NKX1-2: variants seen among roughly 807,000 people sequenced by gnomAD.
The protein encoded by NKX1-2 is NK1 homeobox 2.
NKX1-2 carries 1 observed loss-of-function variant against 4.4 expected under a neutral mutation model. That is an observed-to-expected ratio of 0.23 (90% CI 0.08 to 1.08). The LOEUF (loss-of-function observed/expected upper bound fraction) is 1.08. NKX1-2 is among the 50% of genes least tolerant of loss of function. The probability of loss-of-function intolerance (pLI) is 0.55; values close to 1 mark genes in which losing one functional copy is unlikely to be tolerated. For missense variants in NKX1-2, 503 were observed against 464.6 expected (o/e 1.08, Z -0.76); for synonymous variants, 235 against 228.0 (o/e 1.03, Z -0.28).
rs1349267491 is a variant in NKX1-2 at position 124,447,411 on chromosome 10, G to A, written c.*18C>T. On this transcript the variant is annotated 3_prime_UTR_variant, in exon 2 of 2. Transcript: ENST00000451024. ...TCCCTCGTGAATCCCGCGAAAGAGG[G>A]GCCAGGGGGCTCCGGATTCATAGAC... The A allele has an allele frequency of 8.8e-6, 11 of 1,243,776 alleles. 1 individual carries two copies. The highest frequency in any genetic ancestry group is 4.1e-4 in the Middle Eastern group (2 of 4,826). 77.0% of individuals were successfully genotyped at this position (1,243,776 alleles called of 1,614,324 possible).
chr10:124,449,843 G>A lies in NKX1-2; in HGVS notation c.101C>T (p.Ala34Val), dbSNP rs1952279379. The A allele has an allele frequency of 1.9e-6, 3 of 1,551,684 alleles. No homozygotes were observed. The highest frequency in any genetic ancestry group is 1.4e-5 in the African/African-American group (1 of 73,186). ...AGCCGGGCGCACGGCAGGGAGCGCT[G>A]CGCGGGTGAATTTCTGTGGGTCCAG... Reference protein sequence around the residue: ...DILDPQKFTRAALPAVRPAPR... With the variant: ...DILDPQKFTRVALPAVRPAPR... Residue 34 changes from alanine (A) to valine (V), a missense_variant, in exon 1 of 2, where the codon GCA becomes GTA. Ala to Val is a moderately conservative substitution (Grantham distance 64). Coordinates refer to ENST00000451024, the MANE Select transcript of NKX1-2 (RefSeq NM_001146340.3). The surrounding 1 kb of genome is among the most constrained non-coding windows in gnomAD (Gnocchi z 7.5).
At position 124,449,499 on chromosome 10, in the gene NKX1-2, A is replaced by G; in HGVS notation, c.214+231T>C. The stretch of plus-strand genomic sequence containing the variant: ...GAGCATCAGAACTGTGGTGCGGGTG[A>G]GCTTGGCGGGTGAGCAGGGATGCGG... On this transcript the variant is annotated intron_variant, in intron 1 of 1. Coordinates refer to ENST00000451024, the MANE Select transcript of NKX1-2 (RefSeq NM_001146340.3). The surrounding 1 kb of genome is among the most constrained non-coding windows in gnomAD (Gnocchi z 7.5). 2.9e-6 allele frequency: 2 copies of G among 695,714 alleles called. No individual in the cohort carries two copies. The highest frequency in any genetic ancestry group is 5.2e-6 in the Non-Finnish European group (2 of 381,032). The allele number at this position is 695,714 out of a possible 1,614,324, so 43.1% of individuals were successfully genotyped here. A position where few individuals can be genotyped will look rare whatever the true frequency, so the allele number is the denominator to read the frequency against.
At position 124,447,502 on chromosome 10, in the gene NKX1-2, G is replaced by A. The variant is rs535091644; in HGVS notation, c.860C>T (p.Ala287Val). 1.6e-6 allele frequency: 2 copies of A among 1,272,064 alleles called. No homozygotes were observed. Among genetic ancestry groups the A allele is most frequent in the Non-Finnish European group, 2.0e-6 (2 of 1,004,980 alleles). The allele number at this position is 1,272,064 out of a possible 1,614,324, so 78.8% of individuals were successfully genotyped here. The change falls in exon 2 of 2, where the codon GCC becomes GTC. Residue 287 changes from alanine to valine, a missense_variant. By Grantham distance (64) the Ala-to-Val change is moderately conservative. Transcript: ENST00000451024. ...CGGCGCGAAAGGGCTCCCGGGGGCG[G>A]CAGCCGTCAGCGGGAAGGAGGCGGC... ...PSAASFPLTA[A>V]APGSPFAPFL...
chr10:124,447,689 C>CA lies in NKX1-2; in HGVS notation c.672dup (p.Ala225CysfsTer170). ...CCCCCCACCTGCGCCGCGCCGTCGG[C>CA]ACCCGGGTTCTGCTTCTTCCACTTG... On this transcript the variant is annotated frameshift_variant, in exon 2 of 2. Transcript: ENST00000451024. LOFTEE classifies it low-confidence loss of function (END_TRUNC). The CA allele has an allele frequency of 7.0e-7, 1 of 1,423,688 alleles. No individual in the cohort carries two copies. The highest frequency in any genetic ancestry group is 1.5e-5 in the African/African-American group (1 of 67,438). 88.2% of individuals were successfully genotyped at this position (1,423,688 alleles called of 1,614,324 possible).
Position 124,447,771 on chromosome 10 carries a change from C to A in NKX1-2, c.591G>T (p.Ala197=). 1 of 1,481,164 alleles carries A rather than the reference C, an allele frequency of 6.8e-7. No individual in the cohort carries two copies. Among genetic ancestry groups the A allele is most frequent in the Non-Finnish European group, 9.0e-7 (1 of 1,109,584 alleles). The allele number at this position is 1,481,164 out of a possible 1,614,324, so 91.8% of individuals were successfully genotyped here. The change falls in exon 2 of 2, where the codon GCG becomes GCT. Residue 197 remains alanine, a synonymous_variant. Transcript: ENST00000451024. ...YLSVCERLNL[A]LSLSLTETQV... ...GCGTCTCGGTGAGGCTGAGAGACAG[C>A]GCGAGGTTCAGGCGCTCGCACACTG...
Position 124,447,716 on chromosome 10 carries a change from TC to T in NKX1-2, c.645del (p.Thr216ProfsTer69), listed in dbSNP as rs1952255827. 6.8e-7 allele frequency: 1 copy of T among 1,465,772 alleles called. No individual in the cohort carries two copies. Among genetic ancestry groups the T allele is most frequent in the Non-Finnish European group, 9.1e-7 (1 of 1,100,982 alleles). 90.8% of individuals were successfully genotyped at this position (1,465,772 alleles called of 1,614,324 possible). ...TQVKIWFQNR[R>X]TKWKKQNPGA... ...CCCGGGTTCTGCTTCTTCCACTTGG[TC>T]CTGCGATTCTGGAACCAGATTTTGA... On this transcript the variant is annotated frameshift_variant, in exon 2 of 2. Coordinates refer to ENST00000451024, the MANE Select transcript of NKX1-2 (RefSeq NM_001146340.3). LOFTEE classifies it low-confidence loss of function (END_TRUNC).
chr10:124,449,965 G>C lies in NKX1-2; in HGVS notation c.-22C>G, dbSNP rs1238008489. 1 of 1,508,728 alleles carries C rather than the reference G, an allele frequency of 6.6e-7. No individual in the cohort carries two copies. Among genetic ancestry groups the C allele is most frequent in the Non-Finnish European group, 8.9e-7 (1 of 1,123,372 alleles). The allele number at this position is 1,508,728 out of a possible 1,614,324, so 93.5% of individuals were successfully genotyped here. A position where few individuals can be genotyped will look rare whatever the true frequency, so the allele number is the denominator to read the frequency against. On this transcript the variant is annotated 5_prime_UTR_variant, in exon 1 of 2. Coordinates refer to ENST00000451024, the MANE Select transcript of NKX1-2 (RefSeq NM_001146340.3). The surrounding 1 kb of genome is among the most constrained non-coding windows in gnomAD (Gnocchi z 7.5). ...GCATGCCCGTCGCCCACGGGCCGGC[G>C]GTCGGCGGCGCGGGGTTGGGGATGG...
Position 124,447,650 on chromosome 10 carries a change from G to A in NKX1-2, c.712C>T (p.Pro238Ser). 4.5e-6 allele frequency: 6 copies of A among 1,336,464 alleles called. No homozygotes were observed. The highest frequency in any genetic ancestry group is 5.8e-6 in the Non-Finnish European group (6 of 1,037,422). The allele number at this position is 1,336,464 out of a possible 1,614,324, so 82.8% of individuals were successfully genotyped here. Residue 238 changes from proline to serine, a missense_variant, in exon 2 of 2, where the codon CCA becomes TCA. Coordinates refer to ENST00000451024, the MANE Select transcript of NKX1-2 (RefSeq NM_001146340.3). ...AAQVGGGAPQ[P>S]GAAGGGGGGG... Reference sequence around the variant, plus strand: ...CCGCCGCCGCCCCCCGCCGCCCCTGGCTGGGGCGCGCCACCCCCCACCTGC... The same window carrying A: ...CCGCCGCCGCCCCCCGCCGCCCCTGACTGGGGCGCGCCACCCCCCACCTGC...
rs1481835271 is a variant in NKX1-2 at position 124,447,316 on chromosome 10, G to C, written c.*113C>G. 3 of 810,408 alleles carry C rather than the reference G, an allele frequency of 3.7e-6. No homozygotes were observed. In the African/African-American group the frequency reaches 5.4e-5, roughly 15 times the overall value. 50.2% of individuals were successfully genotyped at this position (810,408 alleles called of 1,614,324 possible). ...GCGAGGATCGCGGGTGCGCGCGGCG[G>C]GCAGGGGTGCGCTGACACCCGCGCA... On this transcript the variant is annotated 3_prime_UTR_variant, in exon 2 of 2. Coordinates refer to ENST00000451024, the MANE Select transcript of NKX1-2 (RefSeq NM_001146340.3).
Position 124,449,881 on chromosome 10 carries a change from A to C in NKX1-2, c.63T>G (p.Ser21=). Residue 21 remains serine, a synonymous_variant, in exon 1 of 2, where the codon TCT becomes TCG. Transcript: ENST00000451024. This position sits in a 1 kb window ranked among gnomAD's most constrained non-coding sequence, Gnocchi z 7.5. The part of the protein sequence containing the change: ...AAPSHHKISF[S]VLDILDPQKF... ...TCTGTGGGTCCAGGATGTCCAGGAC[A>C]GAGAAAGAAATCTTGTGGTGGGAGG... The C allele has an allele frequency of 6.4e-7, 1 of 1,551,066 alleles. No homozygotes were observed. Among genetic ancestry groups the C allele is most frequent in the Non-Finnish European group, 8.7e-7 (1 of 1,146,528 alleles).
In NKX1-2 at chr10:124,449,501, C is replaced by A. The variant is rs1952276631; in HGVS notation, c.214+229G>T. The A allele has an allele frequency of 1.4e-6, 1 of 695,794 alleles. No homozygotes were observed. Among genetic ancestry groups the A allele is most frequent in the Non-Finnish European group, 2.6e-6 (1 of 381,192 alleles). The allele number at this position is 695,794 out of a possible 1,614,324, so 43.1% of individuals were successfully genotyped here. On this transcript the variant is annotated intron_variant, in intron 1 of 1. Transcript: ENST00000451024. The surrounding 1 kb of genome is among the most constrained non-coding windows in gnomAD (Gnocchi z 7.5). ...GCATCAGAACTGTGGTGCGGGTGAG[C>A]TTGGCGGGTGAGCAGGGATGCGGCA... is the stretch of plus-strand genomic sequence containing the variant.
At position 124,448,045 on chromosome 10, in the gene NKX1-2, C is replaced by G. The variant is rs373238153; in HGVS notation, c.317G>C (p.Arg106Pro). 4.3e-5 allele frequency: 66 copies of G among 1,519,472 alleles called. No homozygotes were observed. In the African/African-American group the frequency reaches 8.1e-4, roughly 19 times the overall value. The allele number at this position is 1,519,472 out of a possible 1,614,324, so 94.1% of individuals were successfully genotyped here. ...TAGGCCCGGCAGCAAGCGCGCAGCC[C>G]GCTCCCGCAGCCGCGGCCTCCTCGG... ...EDPRRPRLRE[R>P]AARLLPGLAR... Residue 106 changes from arginine to proline, a missense_variant, in exon 2 of 2, where the codon CGG becomes CCG. Arg to Pro is a moderately radical substitution (Grantham distance 103). Transcript: ENST00000451024. This position sits in a 1 kb window ranked among gnomAD's most constrained non-coding sequence, Gnocchi z 4.1.
Position 124,449,492 on chromosome 10 carries a change from G to A in NKX1-2, c.214+238C>T, listed in dbSNP as rs1451517684. ...CCACCGCGAGCATCAGAACTGTGGT[G>A]CGGGTGAGCTTGGCGGGTGAGCAGG... On this transcript the variant is annotated intron_variant, in intron 1 of 1. Transcript: ENST00000451024. The surrounding 1 kb of genome is among the most constrained non-coding windows in gnomAD (Gnocchi z 7.5). The A allele has an allele frequency of 2.9e-6, 2 of 694,202 alleles. No homozygotes were observed. The highest frequency in any genetic ancestry group is 5.3e-6 in the Non-Finnish European group (2 of 380,046). 43.0% of individuals were successfully genotyped at this position (694,202 alleles called of 1,614,324 possible).
chr10:124,447,709 C>T lies in NKX1-2; in HGVS notation c.653G>A (p.Trp218Ter). The change falls in exon 2 of 2, where the codon TGG becomes TAG. Residue 218 changes from tryptophan to a stop codon, truncating the protein, a stop_gained. Coordinates refer to ENST00000451024, the MANE Select transcript of NKX1-2 (RefSeq NM_001146340.3). LOFTEE classifies it low-confidence loss of function (END_TRUNC). ...GTCGGCACCCGGGTTCTGCTTCTTC[C>T]ACTTGGTCCTGCGATTCTGGAACCA... ...KIWFQNRRTKWKKQNPGADGA... is the reference protein window; with the variant it reads ...KIWFQNRRTK The T allele has an allele frequency of 6.9e-7, 1 of 1,459,836 alleles. No individual in the cohort carries two copies. The highest frequency in any genetic ancestry group is 9.1e-7 in the Non-Finnish European group (1 of 1,097,036). 90.4% of individuals were successfully genotyped at this position (1,459,836 alleles called of 1,614,324 possible).
Position 124,449,138 on chromosome 10 carries a change from G to T in NKX1-2, c.214+592C>A, listed in dbSNP as rs561241531. 6.6e-6 allele frequency among the ~76,000 whole-genome samples: 1 copy of T among 152,294 alleles called. No homozygotes were observed. The highest frequency in any genetic ancestry group is 2.1e-4 in the South Asian group (1 of 4,830). Reference sequence around the variant, plus strand: ...GGGTTTCGAGAAGAAAGTACCGAAAGCTTCCCAACACTCCATCCGAGCCCC... The same window carrying T: ...GGGTTTCGAGAAGAAAGTACCGAAATCTTCCCAACACTCCATCCGAGCCCC... On this transcript the variant is annotated intron_variant, in intron 1 of 1. Coordinates refer to ENST00000451024, the MANE Select transcript of NKX1-2 (RefSeq NM_001146340.3). This position sits in a 1 kb window ranked among gnomAD's most constrained non-coding sequence, Gnocchi z 7.5.
At position 124,445,946 on chromosome 10, in the gene NKX1-2, T is replaced by C. The variant is rs1036858912; in HGVS notation, c.*1483A>G. 15 of 152,172 alleles carry C rather than the reference T, an allele frequency of 9.9e-5. No homozygotes were observed. Among genetic ancestry groups the C allele is most frequent in the African/African-American group, 3.6e-4 (15 of 41,440 alleles). The allele number at this position is 152,172 out of a possible 1,614,324, so 9.4% of individuals were successfully genotyped here. A position where few individuals can be genotyped will look rare whatever the true frequency, so the allele number is the denominator to read the frequency against. The stretch of plus-strand genomic sequence containing the variant: ...ATAATACCAAACAGGGTGCTTTACT[T>C]TGAAGCCATTGACCATTAAATTTGA... On this transcript the variant is annotated 3_prime_UTR_variant, in exon 2 of 2. Coordinates refer to ENST00000451024, the MANE Select transcript of NKX1-2 (RefSeq NM_001146340.3).
chr10:124,448,005 G>T lies in NKX1-2; in HGVS notation c.357C>A (p.Asp119Glu). The change falls in exon 2 of 2, where the codon GAC becomes GAA. Residue 119 changes from aspartate to glutamate, a missense_variant. Transcript: ENST00000451024. The surrounding 1 kb of genome is among the most constrained non-coding windows in gnomAD (Gnocchi z 4.1). ...RLLPGLARSPDAPAGALASGE... is the reference protein window; with the variant it reads ...RLLPGLARSPEAPAGALASGE... ...CAGACGCCAATGCCCCGGCCGGGGC[G>T]TCAGGTGAGCGCGCTAGGCCCGGCA... is the stretch of plus-strand genomic sequence containing the variant. 6.7e-7 allele frequency: 1 copy of T among 1,496,316 alleles called. No individual in the cohort carries two copies. The allele number at this position is 1,496,316 out of a possible 1,614,324, so 92.7% of individuals were successfully genotyped here.
In NKX1-2 at chr10:124,447,347, AC is replaced by A; in HGVS notation, c.*81del. The A allele has an allele frequency of 1.2e-6, 1 of 863,002 alleles. No homozygotes were observed. Among genetic ancestry groups the A allele is most frequent in the Non-Finnish European group, 1.5e-6 (1 of 655,310 alleles). 53.5% of individuals were successfully genotyped at this position (863,002 alleles called of 1,614,324 possible). On this transcript the variant is annotated 3_prime_UTR_variant, in exon 2 of 2. Coordinates refer to ENST00000451024, the MANE Select transcript of NKX1-2 (RefSeq NM_001146340.3). Reference sequence around the variant, plus strand: ...GGTGCGCTGACACCCGCGCACCTGCACCCCCGGTGGAGGAGCCGAGGGCACA... The same window carrying A: ...GGTGCGCTGACACCCGCGCACCTGCACCCCGGTGGAGGAGCCGAGGGCACA...
In NKX1-2 at chr10:124,447,838, A is replaced by G. The variant is rs1294627596; in HGVS notation, c.524T>C (p.Leu175Pro). The G allele has an allele frequency of 6.8e-7, 1 of 1,470,538 alleles. No homozygotes were observed. The highest frequency in any genetic ancestry group is 2.3e-5 in the Admixed American group (1 of 43,544). The allele number at this position is 1,470,538 out of a possible 1,614,324, so 91.1% of individuals were successfully genotyped here. A position where few individuals can be genotyped will look rare whatever the true frequency, so the allele number is the denominator to read the frequency against. ...CCGGAACTTGTTCTCCAAGGCCACC[A>G]GCTGCTCGTAGGTGAAGGCGGTGCG... ...RARTAFTYEQLVALENKFRAT... is the reference protein window; with the variant it reads ...RARTAFTYEQPVALENKFRAT... Residue 175 changes from leucine to proline, a missense_variant, in exon 2 of 2, where the codon CTG becomes CCG. Coordinates refer to ENST00000451024, the MANE Select transcript of NKX1-2 (RefSeq NM_001146340.3).
Sources: allele counts gnomAD v4.1 joint callset (sites outside exome capture counted in the v4.1 genomes callset), GRCh38; gene constraint gnomAD v4.1.1; non-coding constraint Gnocchi (gnomAD v3.1); transcripts MANE v1.5; gene names NCBI Gene and HGNC (gene_info 2026-07-23, HGNC 2026-07-21).